The following NLGN1 variants were observed in gnomAD, a reference collection of about 807,000 sequenced individuals.
The protein encoded by NLGN1 is neuroligin 1.
In NLGN1, 12 loss-of-function variants were observed where a neutral mutation model predicts 65.5. The ratio of observed to expected loss-of-function variants is 0.18; its 90% CI spans 0.12 to 0.30. NLGN1 has a LOEUF of 0.30. NLGN1 is among the 10% of genes least tolerant of loss of function. The pLI is 1.00. For missense variants in NLGN1, 750 were observed against 1,007.1 expected, an observed-to-expected ratio of 0.74 and a Z score of 3.46; for synonymous variants, 350 against 359.5, an observed-to-expected ratio of 0.97 and a Z score of 0.30.
At chr3:173,746,930 G>A (rs1775476052) in intron 3 of NLGN1, among the ~76,000 whole-genome samples, 1 of 151,644 alleles carries the variant, frequency 6.6e-6, no homozygotes, top group South Asian at 2.1e-4. Flanking sequence ...CTTGCACCTT[G>A]CATCTGTAGT....
At chr3:174,176,741 G>A (rs1162077992) in intron 4 of NLGN1, among the ~76,000 whole-genome samples, 1 of 152,022 alleles carries the variant, frequency 6.6e-6, no homozygotes, top group Non-Finnish European at 1.5e-5. Flanking sequence ...AAAATCAAGA[G>A]TGTATCTTTA....
chr3:174,227,188 T>TAC (rs1368668286), intron 4 of NLGN1, among the ~76,000 whole-genome samples: 39 of 152,186 alleles, frequency 2.6e-4, no homozygotes, highest in African/African-American at 9.2e-4. Context: ...CAAAGCCATG[T>TAC]TTATTACCTG....
chr3:174,058,286 A>T lies in NLGN1; in HGVS notation c.647-217029A>T, dbSNP rs183017256. Reference sequence around the variant, plus strand: ...AACTTCTTTAACTCCATTTGCTTGTACATTGTTTTGACACATTCTGTAATG... The same window carrying T: ...AACTTCTTTAACTCCATTTGCTTGTTCATTGTTTTGACACATTCTGTAATG... On this transcript the variant is annotated intron_variant, in intron 4 of 6. Coordinates refer to ENST00000457714, the Ensembl canonical transcript of NLGN1. Among the ~76,000 whole-genome samples the T allele has an allele frequency of 1.4e-3, 214 of 152,238 alleles. 1 individual carries two copies. The highest frequency in any genetic ancestry group is 2.5e-3 in the Non-Finnish European group (171 of 68,008).
intron 4 of NLGN1, among the ~76,000 whole-genome samples, chr3:173,921,191 A>AGT (rs1741938941): frequency 1.6e-5 from 2 of 126,914 alleles, no homozygotes; most frequent in African/African-American, 6.4e-5. Context: ...TTATATATAC[A>AGT]ATATATATGT....
At chr3:173,557,689 A>G (rs914436568) in intron 2 of NLGN1, among the ~76,000 whole-genome samples, 4 of 152,100 alleles carry the variant, frequency 2.6e-5, no homozygotes, top group African/African-American at 9.7e-5. Context: ...CTTCACATAT[A>G]ATACCAGAAC....
intron 2 of NLGN1, among the ~76,000 whole-genome samples, chr3:173,455,789 T>A (rs964904528): frequency 2.1e-4 from 32 of 152,116 alleles, no homozygotes; most frequent in African/African-American, 7.0e-4. Context: ...GAGATTTATT[T>A]TACGTTATTG....
intron 2 of NLGN1, among the ~76,000 whole-genome samples, chr3:173,474,234 C>A (rs886793684): frequency 6.6e-6 from 1 of 152,102 alleles, no homozygotes; most frequent in Non-Finnish European, 1.5e-5. Context: ...AGTCCTCAGA[C>A]CACTCTGAAC....
intron 4 of NLGN1, among the ~76,000 whole-genome samples, chr3:173,884,891 G>C (rs780306375): frequency 6.6e-6 from 1 of 152,080 alleles, no homozygotes; most frequent in South Asian, 2.1e-4. Flanking sequence ...CCCTTGTTGA[G>C]ATAGCCTCTG....
chr3:173,722,864 ATTT>A (rs756150415), intron 3 of NLGN1, among the ~76,000 whole-genome samples: 20 of 152,362 alleles, frequency 1.3e-4, no homozygotes, highest in Non-Finnish European at 8.8e-5. Context: ...ACTATGATGC[ATTT>A]CAATGAAAGA....
chr3:173,883,577 A>G (rs976295991), intron 4 of NLGN1, among the ~76,000 whole-genome samples: 3 of 152,214 alleles, frequency 2.0e-5, no homozygotes, highest in Non-Finnish European at 2.9e-5. Context: ...TTCAGTTTAT[A>G]TAAAAAAATA....
intron 4 of NLGN1, among the ~76,000 whole-genome samples, chr3:173,837,493 T>C (rs1461768331): frequency 6.6e-6 from 1 of 152,158 alleles, no homozygotes; most frequent in Non-Finnish European, 1.5e-5. Flanking sequence ...CTGAAGACTC[T>C]GAAAAGCCTT....
chr3:174,238,669 C>T (rs1742205272), intron 4 of NLGN1, among the ~76,000 whole-genome samples: 1 of 152,122 alleles, frequency 6.6e-6, no homozygotes, highest in Non-Finnish European at 1.5e-5. Context: ...CTATGAAGTA[C>T]TTCTTATGTT....
chr3:174,073,522 T>G (rs1209375838), intron 4 of NLGN1, among the ~76,000 whole-genome samples: 1 of 152,176 alleles, frequency 6.6e-6, no homozygotes, highest in Non-Finnish European at 1.5e-5. Context: ...GGCGTCACTC[T>G]TTTGGATGAA....
At chr3:173,890,600 A>G (rs1011934037) in intron 4 of NLGN1, among the ~76,000 whole-genome samples, 1 of 152,230 alleles carries the variant, frequency 6.6e-6, no homozygotes, top group Non-Finnish European at 1.5e-5. Context: ...TAGCATTGAA[A>G]GAAAATTGTT....
rs76795736 is a variant in NLGN1 at position 173,737,680 on chromosome 3, T to C, written c.494-70000T>C. Among the ~76,000 whole-genome samples the C allele has an allele frequency of 7.4e-4, 112 of 152,260 alleles. No homozygotes were observed. In the East Asian group the frequency reaches 0.012, roughly 17 times the overall value. On this transcript the variant is annotated intron_variant, in intron 3 of 6. Coordinates refer to ENST00000457714, the Ensembl canonical transcript of NLGN1. ...CAGCTGATGGACTTTGAGTTTTTTC[T>C]ACTTTTTGGTTAGTATAACTCATGC...
chr3:173,700,222 C>A (rs1198021081), intron 3 of NLGN1, among the ~76,000 whole-genome samples: 2 of 152,170 alleles, frequency 1.3e-5, no homozygotes, highest in African/African-American at 4.8e-5. Context: ...ATATTAATCA[C>A]TACTGCAGAA....
intron 4 of NLGN1, among the ~76,000 whole-genome samples, chr3:173,998,456 A>G (rs1345822317): frequency 3.3e-5 from 5 of 152,206 alleles, no homozygotes; most frequent in Admixed American, 2.0e-4. Context: ...TAAATTAAGA[A>G]GAAACAATAA....
chr3:174,166,447 C>G (rs1394141891), intron 4 of NLGN1, among the ~76,000 whole-genome samples: 1 of 151,766 alleles, frequency 6.6e-6, no homozygotes, highest in Non-Finnish European at 1.5e-5. Context: ...CATCGTTTAC[C>G]CAAACGGATT....
chr3:173,638,516 G>C (rs1223164972), intron 3 of NLGN1, among the ~76,000 whole-genome samples: 5 of 151,562 alleles, frequency 3.3e-5, no homozygotes, highest in Admixed American at 6.6e-5. Flanking sequence ...AAAAACAAAG[G>C]CTCCCTTTCA....
Sources: allele counts gnomAD v4.1 joint callset (sites outside exome capture counted in the v4.1 genomes callset), GRCh38; gene constraint gnomAD v4.1.1; transcripts MANE v1.5; gene names NCBI Gene and HGNC (gene_info 2026-07-23, HGNC 2026-07-21).